The following IFIH1 variants were observed in gnomAD, a reference collection of about 807,000 sequenced individuals.
IFIH1 encodes the protein interferon-induced helicase C domain-containing protein 1.
In IFIH1, 125 loss-of-function variants were observed where a neutral mutation model predicts 107.4. The observed-to-expected ratio is 1.16, with a 90% CI of 1.01 to 1.35. The LOEUF is 1.35. Ranked by LOEUF, IFIH1 falls within the 40% of genes most tolerant of loss-of-function variation. The pLI is 0.00. For missense variants in IFIH1, 1,333 were observed against 1,213.7 expected (o/e 1.10, Z -1.46); for synonymous variants, 458 against 413.2 (o/e 1.11, Z -1.31).
At chr2:162,281,624 G>T in intron 6 of IFIH1, 79 bp from the exon 7 acceptor site, 1 of 1,055,932 alleles carries the variant, frequency 9.5e-7, no homozygotes, top group Non-Finnish European at 1.4e-6. Context: ...CAGTAATTGA[G>T]CTGCCTTGGG....
At chr2:162,290,440 C>A (rs1051458507) in intron 4 of IFIH1, among the ~76,000 whole-genome samples, 10 of 151,774 alleles carry the variant, frequency 6.6e-5, no homozygotes, top group African/African-American at 2.4e-4. Context: ...TAAGCTGATA[C>A]ATTTAAGAAG....
chr2:162,270,927 T>A (rs1034814191), intron 13 of IFIH1, among the ~76,000 whole-genome samples: 1 of 152,120 alleles, frequency 6.6e-6, no homozygotes, highest in South Asian at 2.1e-4. Flanking sequence ...TTTGAAAGCA[T>A]CCCTTTAGTG....
chr2:162,310,689 T>G (rs1683370897), intron 2 of IFIH1, 76 bp downstream of exon 2: 1 of 1,233,324 alleles, frequency 8.1e-7, no homozygotes, highest in Non-Finnish European at 1.2e-6. Context: ...TGTTTAGCAT[T>G]GTGTCTTTCT....
intron 3 of IFIH1, among the ~76,000 whole-genome samples, chr2:162,297,523 T>C (rs1683114049): frequency 1.3e-5 from 2 of 152,160 alleles, no homozygotes; most frequent in African/African-American, 2.4e-5. Context: ...TTCTCACTTA[T>C]TGTGAGAATG....
intron 1 of IFIH1, among the ~76,000 whole-genome samples, chr2:162,316,605 T>C (rs1382900756): frequency 6.6e-6 from 1 of 151,984 alleles, no homozygotes; most frequent in Non-Finnish European, 1.5e-5. Flanking sequence ...ATCAATCAAA[T>C]GCCCAGAAGT....
intron 7 of IFIH1, among the ~76,000 whole-genome samples, chr2:162,280,823 T>C (rs994783908): frequency 1.3e-5 from 2 of 152,040 alleles, no homozygotes; most frequent in African/African-American, 4.8e-5. Context: ...ACAGTAGCAC[T>C]GTATGTGGTG....
chr2:162,295,125 C>G (rs988619731), intron 3 of IFIH1, among the ~76,000 whole-genome samples: 3 of 151,974 alleles, frequency 2.0e-5, no homozygotes, highest in African/African-American at 4.8e-5. Flanking sequence ...ACTACCATCA[C>G]AGTTAAGGTA....
chr2:162,317,817 C>A lies in IFIH1; in HGVS notation c.453+38G>T, dbSNP rs200006755. 5,321 of 1,500,806 alleles carry A rather than the reference C, an allele frequency of 3.5e-3. 17 individuals carry two copies. The highest frequency in any genetic ancestry group is 6.3e-3 in the Middle Eastern group (35 of 5,592). The allele number at this position is 1,500,806 out of a possible 1,614,324, so 93.0% of individuals were successfully genotyped here. ...CACAAGGAAGCCTGCTTTGCAAAATCTGCCTAAAAGGCTAGCTCCATCTGA... is the reference window on the plus strand; with the variant it reads ...CACAAGGAAGCCTGCTTTGCAAAATATGCCTAAAAGGCTAGCTCCATCTGA... On this transcript the variant is annotated intron_variant, in intron 1 of 15. Transcript: ENST00000649979.
In IFIH1 at chr2:162,310,762, T is replaced by C. The variant is rs754859525; in HGVS notation, c.622+3A>G. 3.1e-6 allele frequency: 5 copies of C among 1,611,916 alleles called. No individual in the cohort carries two copies. The highest frequency in any genetic ancestry group is 1.3e-5 in the African/African-American group (1 of 74,892). On this transcript the variant is annotated splice_donor_region_variant and intron_variant, in intron 2 of 15. Coordinates refer to ENST00000649979, the MANE Select transcript of IFIH1 (RefSeq NM_022168.4). ...GAATCTTCCTCAGTAAAATTACAAA[T>C]ACCTGCATTGCTTTCTGAGCAATCA...
At chr2:162,284,844 C>T (rs1456610977) in intron 5 of IFIH1, among the ~76,000 whole-genome samples, 2 of 151,940 alleles carry the variant, frequency 1.3e-5, no homozygotes, top group Non-Finnish European at 2.9e-5. Context: ...TAAATACACT[C>T]ATGCTGAATG....
In IFIH1 at chr2:162,288,264, C is replaced by G; in HGVS notation, c.966G>C (p.Gly322=). ...TAGGGAGGCAGATGATGATATTCTT[C>G]CCTTCCAAGGCTGGCTGGGCAACTT... The part of the protein sequence containing the change: ...QMEVAQPALE[G]KNIIICLPTG... Residue 322 remains glycine, a synonymous_variant, in exon 5 of 16, where the codon GGG becomes GGC. Transcript: ENST00000649979. 1 of 1,612,818 alleles carries G rather than the reference C, an allele frequency of 6.2e-7. No homozygotes were observed. The highest frequency in any genetic ancestry group is 8.5e-7 in the Non-Finnish European group (1 of 1,179,240).
rs750844573 is a variant in IFIH1 at position 162,318,085 on chromosome 2, A to G, written c.223T>C (p.Trp75Arg). 3 of 1,614,206 alleles carry G rather than the reference A, an allele frequency of 1.9e-6. No homozygotes were observed. In the South Asian group the frequency reaches 3.3e-5, roughly 18 times the overall value. ...TLEKGVWHLG[W>R]TREFVEALRR... ...AGGGCCTCCACGAATTCCCGAGTCC[A>G]ACCAAGGTGCCAGACTCCCTTCTCC... Residue 75 changes from tryptophan (W) to arginine (R), a missense_variant, in exon 1 of 16, where the codon TGG becomes CGG. Trp to Arg is a moderately radical substitution (Grantham distance 101, BLOSUM62 -3). Transcript: ENST00000649979.
At chr2:162,284,899 A>G (rs1264846348) in intron 5 of IFIH1, among the ~76,000 whole-genome samples, 1 of 151,978 alleles carries the variant, frequency 6.6e-6, no homozygotes, top group East Asian at 1.9e-4. Flanking sequence ...TTGCACCACA[A>G]AATTCTGCCC....
intron 1 of IFIH1, among the ~76,000 whole-genome samples, chr2:162,314,398 CCTTT>C (rs1553461352): frequency 3.0e-5 from 2 of 67,020 alleles, no homozygotes; most frequent in South Asian, 5.7e-4. Context: ...CTCCCTCCCT[CCTTT>C]CTTTCTTTCT....
At chr2:162,295,794 T>C (rs908556336) in intron 3 of IFIH1, among the ~76,000 whole-genome samples, 3 of 151,892 alleles carry the variant, frequency 2.0e-5, no homozygotes, top group Admixed American at 6.6e-5. Context: ...GGGATAGAAC[T>C]GTCAAGTAGA....
intron 4 of IFIH1, among the ~76,000 whole-genome samples, chr2:162,291,923 C>T (rs1478201709): frequency 5.9e-5 from 9 of 151,892 alleles, no homozygotes; most frequent in Admixed American, 1.3e-4. Flanking sequence ...AAGTGGTGTT[C>T]GTTCTGATGT....
chr2:162,303,672 AT>A (rs1172538625), intron 3 of IFIH1, among the ~76,000 whole-genome samples: 2 of 151,406 alleles, frequency 1.3e-5, no homozygotes, highest in Admixed American at 1.3e-4. Flanking sequence ...AAAAAAAAAA[AT>A]AAAAAGCTTT....
Position 162,272,267 on chromosome 2 carries a change from G to T in IFIH1, c.2575C>A (p.His859Asn). ...TCTGGTTTCATATTTTGAACACAAT[G>T]TATAGCTTTATACATCATCTTCTCT... ...FREKMMYKAI[H>N]CVQNMKPEEY... The change falls in exon 13 of 16, where the codon CAT becomes AAT. Residue 859 changes from histidine (H) to asparagine (N), a missense_variant. His to Asn is a moderately conservative substitution (Grantham distance 68). Transcript: ENST00000649979. 6.2e-7 allele frequency: 1 copy of T among 1,612,568 alleles called. No individual in the cohort carries two copies. Among genetic ancestry groups the T allele is most frequent in the Non-Finnish European group, 8.5e-7 (1 of 1,179,128 alleles).
Position 162,267,702 on chromosome 2 carries a change from C to T in IFIH1, c.2808-133G>A, listed in dbSNP as rs533499177. 5.2e-4 allele frequency: 358 copies of T among 683,012 alleles called. 1 individual carries two copies. The highest frequency in any genetic ancestry group is 2.3e-3 in the South Asian group (130 of 56,582). The allele number at this position is 683,012 out of a possible 1,614,324, so 42.3% of individuals were successfully genotyped here. ...CACGGCATTCCTTCCTTCCCTCCTG[C>T]TTCCCAGGCTTGTTATTGCAACTAA... is the stretch of plus-strand genomic sequence containing the variant. On this transcript the variant is annotated intron_variant, in intron 14 of 15. Coordinates refer to ENST00000649979, the MANE Select transcript of IFIH1 (RefSeq NM_022168.4).
Sources: allele counts gnomAD v4.1 joint callset (sites outside exome capture counted in the v4.1 genomes callset), GRCh38; gene constraint gnomAD v4.1.1; transcripts MANE v1.5; gene names NCBI Gene and HGNC (gene_info 2026-07-23, HGNC 2026-07-21).